Variants in TENM4 observed in about 807,000 individuals in gnomAD.
The protein encoded by TENM4 is teneurin transmembrane protein 4, also known as teneurin-4.
A neutral mutation model predicts 243.3 loss-of-function variants in TENM4; 82 were observed. The ratio of observed to expected loss-of-function variants is 0.34; its 90% CI spans 0.28 to 0.40. The LOEUF is 0.40. Ranked by LOEUF, TENM4 falls within the 10% of genes least tolerant of loss-of-function variation. TENM4 has a pLI of 1.00. For missense variants in TENM4, 3,138 were observed against 3,673.3 expected (o/e 0.85, Z 3.77); for synonymous variants, 1,412 against 1,456.3 (o/e 0.97, Z 0.69).
intron 6 of TENM4, among the ~76,000 whole-genome samples, chr11:79,030,233 T>C (rs552424159): frequency 1.3e-5 from 2 of 152,302 alleles, no homozygotes; most frequent in South Asian, 4.1e-4. Context: ...TTCCTCACAC[T>C]GATGGGAGGA....
chr11:78,889,138 C>G (rs1291283529), intron 9 of TENM4, among the ~76,000 whole-genome samples: 1 of 152,218 alleles, frequency 6.6e-6, no homozygotes, highest in Non-Finnish European at 1.5e-5. Context: ...CACCCAGGGT[C>G]AGGTGAGCAC....
At chr11:79,349,113 C>A (rs549840387) in intron 1 of TENM4, among the ~76,000 whole-genome samples, 1 of 152,218 alleles carries the variant, frequency 6.6e-6, no homozygotes, top group Admixed American at 6.5e-5. Flanking sequence ...TCCCCTCCAC[C>A]GGCTGGGGAA....
At chr11:79,040,540 C>A (rs1859495735) in intron 6 of TENM4, among the ~76,000 whole-genome samples, 1 of 152,164 alleles carries the variant, frequency 6.6e-6, no homozygotes, top group Non-Finnish European at 1.5e-5. Flanking sequence ...CTGTGATTTA[C>A]TTTTCTAGTG....
chr11:79,135,978 C>A (rs899258009), intron 4 of TENM4, among the ~76,000 whole-genome samples: 2 of 151,722 alleles, frequency 1.3e-5, no homozygotes, highest in African/African-American at 4.8e-5. Context: ...TATGAGGGAG[C>A]TAAGCTATGA....
At chr11:79,226,727 C>T (rs533776873) in intron 2 of TENM4, among the ~76,000 whole-genome samples, 1 of 152,148 alleles carries the variant, frequency 6.6e-6, no homozygotes, top group Non-Finnish European at 1.5e-5. Context: ...GACTTTACCG[C>T]CCCCTCCCCA....
chr11:79,239,156 G>C (rs1423976364), intron 2 of TENM4, among the ~76,000 whole-genome samples: 1 of 152,224 alleles, frequency 6.6e-6, no homozygotes, highest in Non-Finnish European at 1.5e-5. Context: ...GGCCCTCTAG[G>C]TGGGGCCACA....
intron 7 of TENM4, among the ~76,000 whole-genome samples, chr11:78,897,177 G>A (rs1445371171): frequency 6.6e-6 from 1 of 152,098 alleles, no homozygotes; most frequent in Non-Finnish European, 1.5e-5. Context: ...CTCCCTGATT[G>A]GCAACATTTC....
chr11:78,906,550 G>A (rs1215453043), intron 6 of TENM4, among the ~76,000 whole-genome samples: 1 of 152,180 alleles, frequency 6.6e-6, no homozygotes, highest in Non-Finnish European at 1.5e-5. Flanking sequence ...CACTGGTCCA[G>A]GTCTAAAAAC....
intron 4 of TENM4, among the ~76,000 whole-genome samples, chr11:79,132,967 A>C (rs1862042012): frequency 6.6e-6 from 1 of 152,160 alleles, no homozygotes; most frequent in Non-Finnish European, 1.5e-5. Context: ...ATCAAACCCA[A>C]ACCCAGCATA....
intron 15 of TENM4, among the ~76,000 whole-genome samples, chr11:78,790,334 T>G (rs1857027194): frequency 6.6e-6 from 1 of 152,244 alleles, no homozygotes; most frequent in African/African-American, 2.4e-5. Flanking sequence ...AAGCTGCCAA[T>G]TATGCAATTC....
intron 15 of TENM4, among the ~76,000 whole-genome samples, chr11:78,798,517 T>C (rs1022281342): frequency 6.6e-6 from 1 of 152,174 alleles, no homozygotes; most frequent in Non-Finnish European, 1.5e-5. Flanking sequence ...GAAAGAGATC[T>C]GATGTGGAGT....
intron 12 of TENM4, among the ~76,000 whole-genome samples, chr11:78,838,961 C>T (rs1858187046): frequency 6.6e-6 from 1 of 152,166 alleles, no homozygotes; most frequent in Admixed American, 6.5e-5. Context: ...ATCCAGCCTT[C>T]TCTTCTCCAT....
intron 15 of TENM4, among the ~76,000 whole-genome samples, chr11:78,793,071 G>T (rs568184096): frequency 2.6e-5 from 4 of 152,262 alleles, no homozygotes; most frequent in African/African-American, 7.2e-5. Flanking sequence ...GTTAATCCCC[G>T]TGCAAGCCCA....
At chr11:79,091,271 C>T (rs965505533) in intron 4 of TENM4, among the ~76,000 whole-genome samples, 3 of 152,182 alleles carry the variant, frequency 2.0e-5, no homozygotes, top group Admixed American at 1.3e-4. Context: ...ATCAGCTTGT[C>T]AGCCTGGGAT....
intron 2 of TENM4, among the ~76,000 whole-genome samples, chr11:79,286,006 T>C (rs1856243854): frequency 1.3e-5 from 2 of 152,174 alleles, no homozygotes; most frequent in African/African-American, 2.4e-5. Context: ...TACTGAAATG[T>C]TACTTTAAAA....
At chr11:78,919,373 A>T (rs1856394237) in intron 6 of TENM4, among the ~76,000 whole-genome samples, 1 of 151,516 alleles carries the variant, frequency 6.6e-6, no homozygotes, top group African/African-American at 2.4e-5. Flanking sequence ...ATCCAAATGC[A>T]GGCTTGTTGA....
intron 6 of TENM4, among the ~76,000 whole-genome samples, chr11:78,977,846 A>G (rs1003362246): frequency 2.0e-5 from 3 of 152,216 alleles, no homozygotes; most frequent in African/African-American, 4.8e-5. Flanking sequence ...CAACAATTCC[A>G]TTACTGGATA....
At chr11:79,156,612 G>T (rs1448473622) in intron 3 of TENM4, among the ~76,000 whole-genome samples, 1 of 152,088 alleles carries the variant, frequency 6.6e-6, no homozygotes, top group Non-Finnish European at 1.5e-5. Flanking sequence ...CCTCTGTCTA[G>T]ATCAGAGGTC....
intron 16 of TENM4, among the ~76,000 whole-genome samples, chr11:78,782,158 C>A (rs60399168): frequency 6.6e-6 from 1 of 152,166 alleles, no homozygotes; most frequent in Non-Finnish European, 1.5e-5. Context: ...TGATAGCTAT[C>A]ATTCAAAAGC....
Sources: allele counts gnomAD v4.1 joint callset (sites outside exome capture counted in the v4.1 genomes callset), GRCh38; gene constraint gnomAD v4.1.1; transcripts MANE v1.5; gene names NCBI Gene and HGNC (gene_info 2026-07-23, HGNC 2026-07-21).